The following MTX2 variants were observed in gnomAD, a reference collection of about 807,000 sequenced individuals.
MTX2 encodes metaxin 2.
Under a neutral mutation model 42.3 loss-of-function variants are expected in MTX2, and 35 were observed. The observed-to-expected ratio is 0.83, with a 90% CI of 0.63 to 1.10. MTX2 has a LOEUF of 1.10. MTX2 is among the 50% of genes least tolerant of loss of function. The pLI, the probability that MTX2 is intolerant of heterozygous loss-of-function variation, is 0.00. For missense variants in MTX2, 307 were observed against 304.1 expected (o/e 1.01, Z -0.07); for synonymous variants, 119 against 100.9 (o/e 1.18, Z -1.08).
chr2:176,287,922 G>T (rs1344990223), intron 1 of MTX2, among the ~76,000 whole-genome samples: 2 of 149,068 alleles, frequency 1.3e-5, no homozygotes, highest in Admixed American at 6.6e-5. Context: ...TAACGTTTAT[G>T]GAAATGGCAA....
chr2:176,294,802 A>G (rs1364160691), intron 1 of MTX2, among the ~76,000 whole-genome samples: 1 of 152,190 alleles, frequency 6.6e-6, no homozygotes, highest in Non-Finnish European at 1.5e-5. Context: ...AAACATCAGA[A>G]TCACCAATTT....
intron 3 of MTX2, among the ~76,000 whole-genome samples, chr2:176,309,516 T>C (rs572522458): frequency 6.6e-6 from 1 of 152,222 alleles, no homozygotes; most frequent in Admixed American, 6.5e-5. Context: ...ATTATTATTG[T>C]GTGGGAGTCT....
chr2:176,286,756 C>A (rs917489231), intron 1 of MTX2, among the ~76,000 whole-genome samples: 2 of 151,968 alleles, frequency 1.3e-5, no homozygotes, highest in Non-Finnish European at 2.9e-5. Flanking sequence ...ACCATGTTGG[C>A]CAGGCTGGTC....
At chr2:176,270,432 T>C (rs745588218) in intron 1 of MTX2, 1 of 1,350,628 alleles carries the variant, frequency 7.4e-7, no homozygotes, top group Admixed American at 1.9e-5. Context: ...TTGTAATTTC[T>C]CTTATTGAGG....
chr2:176,330,846 A>C (rs1684846380), intron 9 of MTX2, among the ~76,000 whole-genome samples, 186 bp downstream of exon 9: 1 of 151,148 alleles, frequency 6.6e-6, no homozygotes, highest in Non-Finnish European at 1.5e-5. Context: ...GATTTCTAAA[A>C]TATGGTCCTT....
At chr2:176,289,971 A>G (rs142247792) in intron 1 of MTX2, among the ~76,000 whole-genome samples, 14 of 152,274 alleles carry the variant, frequency 9.2e-5, no homozygotes, top group African/African-American at 2.6e-4. Flanking sequence ...GAATTTACCT[A>G]CTAGAAAGAG....
intron 1 of MTX2, among the ~76,000 whole-genome samples, chr2:176,290,699 C>T (rs540052873): frequency 1.3e-5 from 2 of 150,724 alleles, no homozygotes; most frequent in African/African-American, 4.9e-5. Context: ...TTTGTAGATT[C>T]ATTGCCCAGT....
chr2:176,331,718 T>C (rs1684868841), intron 9 of MTX2, among the ~76,000 whole-genome samples: 1 of 151,250 alleles, frequency 6.6e-6, no homozygotes, highest in Non-Finnish European at 1.5e-5. Context: ...TTCCTGTTTC[T>C]AGTGATGTTT....
intron 1 of MTX2, among the ~76,000 whole-genome samples, chr2:176,270,821 A>G (rs778912446): frequency 3.3e-5 from 5 of 152,196 alleles, no homozygotes; most frequent in Non-Finnish European, 5.9e-5. Flanking sequence ...CATTGTATCC[A>G]TAGTCAGTTG....
At chr2:176,316,836 T>A (rs1684453757) in intron 3 of MTX2, among the ~76,000 whole-genome samples, 1 of 152,150 alleles carries the variant, frequency 6.6e-6, no homozygotes, top group Non-Finnish European at 1.5e-5. Flanking sequence ...AGTGTGAATA[T>A]CCTTACACAT....
intron 4 of MTX2, among the ~76,000 whole-genome samples, chr2:176,323,988 TC>T (rs1684645348): frequency 1.3e-5 from 2 of 151,600 alleles, no homozygotes; most frequent in Non-Finnish European, 3.0e-5. Context: ...TGCTTTAGCT[TC>T]CTATTTTTTA....
intron 9 of MTX2, among the ~76,000 whole-genome samples, chr2:176,331,778 A>G (rs1323551860): frequency 1.3e-5 from 2 of 151,140 alleles, no homozygotes; most frequent in Non-Finnish European, 3.0e-5. Flanking sequence ...AATGTATCCA[A>G]ATGTCAATAT....
rs114744370 is a variant in MTX2 at position 176,330,044 on chromosome 2, C to T, written c.544-540C>T. ...GCTACCCTTAATACTAGCCAGCCAT[C>T]TCACTGATGTGTGCCATTGGCTACA... On this transcript the variant is annotated intron_variant, in intron 8 of 9. Transcript: ENST00000249442. 6.7e-3 allele frequency among the ~76,000 whole-genome samples: 1,018 copies of T among 151,154 alleles called. 12 individuals carry two copies. The highest frequency in any genetic ancestry group is 0.023 in the African/African-American group (973 of 41,416).
intron 7 of MTX2, 106 bp from the exon 8 acceptor site, chr2:176,329,195 C>A: frequency 7.7e-7 from 1 of 1,294,690 alleles, no homozygotes; most frequent in Non-Finnish European, 1.0e-6. Context: ...TTTCAGATTG[C>A]TCTATTTATG....
chr2:176,277,453 A>C (rs560164735), intron 1 of MTX2, among the ~76,000 whole-genome samples: 17 of 152,300 alleles, frequency 1.1e-4, no homozygotes, highest in African/African-American at 3.1e-4. Flanking sequence ...CCCAGGCTGG[A>C]GTGCAGTGGT....
At chr2:176,293,430 T>C (rs954745524) in intron 1 of MTX2, among the ~76,000 whole-genome samples, 7 of 152,184 alleles carry the variant, frequency 4.6e-5, no homozygotes, top group Non-Finnish European at 1.0e-4. Context: ...AATCTCCTGT[T>C]GAAATGTAAT....
At chr2:176,311,419 A>C (rs1038835422) in intron 3 of MTX2, among the ~76,000 whole-genome samples, 2 of 152,180 alleles carry the variant, frequency 1.3e-5, no homozygotes, top group Non-Finnish European at 2.9e-5. Flanking sequence ...TGGTGGGAGA[A>C]CCACTGTTCT....
chr2:176,277,331 G>A (rs1033144821), intron 1 of MTX2, among the ~76,000 whole-genome samples: 6 of 152,196 alleles, frequency 3.9e-5, no homozygotes, highest in Admixed American at 3.3e-4. Context: ...GTAAAGGCTT[G>A]TATATCCATG....
At chr2:176,331,307 TATCAGA>T (rs1300220361) in intron 9 of MTX2, among the ~76,000 whole-genome samples, 2 of 151,152 alleles carry the variant, frequency 1.3e-5, no homozygotes, top group African/African-American at 4.8e-5. Flanking sequence ...AATTTTAATA[TATCAGA>T]ATCAGCTGTC....
Sources: allele counts gnomAD v4.1 joint callset (sites outside exome capture counted in the v4.1 genomes callset), GRCh38; gene constraint gnomAD v4.1.1; transcripts MANE v1.5; gene names NCBI Gene and HGNC (gene_info 2026-07-23, HGNC 2026-07-21).